Variants in ADAM22 observed in about 807,000 individuals in gnomAD.
ADAM22 encodes the protein disintegrin and metalloproteinase domain-containing protein 22.
In ADAM22, 65 loss-of-function variants were observed where a neutral mutation model predicts 144.6. The ratio of observed to expected loss-of-function variants is 0.45; its 90% CI spans 0.37 to 0.55. The LOEUF (loss-of-function observed/expected upper bound fraction) is 0.55, where lower values mean the gene tolerates loss of function less well. ADAM22 is among the 20% of genes least tolerant of loss of function. The probability of loss-of-function intolerance (pLI) is 0.00; values close to 1 mark genes in which losing one functional copy is unlikely to be tolerated. For synonymous variants in ADAM22, 391 were observed against 412.6 expected (o/e 0.95, Z 0.63); for missense variants, 974 against 1,184.9 (o/e 0.82, Z 2.61).
chr7:88,179,059 C>T lies in ADAM22; in HGVS notation c.2425C>T (p.His809Tyr). The T allele has an allele frequency of 6.3e-7, 1 of 1,589,134 alleles. No homozygotes were observed. Among genetic ancestry groups the T allele is most frequent in the South Asian group, 1.1e-5 (1 of 90,416 alleles). Residue 809 changes from histidine to tyrosine, a missense_variant, in exon 27 of 32, where the codon CAT becomes TAT. Transcript: ENST00000413139. ...SSKKRSAFLS[H>Y]FQISTCSITH... ...TAAGAAGAGGTCTGCTTTTCTGTCGCATTTTCAGATTTCTACCTGTTCCAT... is the reference window on the plus strand; with the variant it reads ...TAAGAAGAGGTCTGCTTTTCTGTCGTATTTTCAGATTTCTACCTGTTCCAT...
At chr7:88,000,246 C>G (rs1792218737) in intron 3 of ADAM22, among the ~76,000 whole-genome samples, 1 of 152,080 alleles carries the variant, frequency 6.6e-6, no homozygotes, top group Non-Finnish European at 1.5e-5. Flanking sequence ...GTTTTGGTCT[C>G]TGTTTTCTCC....
At chr7:88,186,442 T>C (rs955321220) in intron 29 of ADAM22, 173 bp from the exon 30 acceptor site, 6 of 634,792 alleles carry the variant, frequency 9.5e-6, no homozygotes, top group African/African-American at 1.8e-5. Context: ...TAGCTGAGAT[T>C]ATTCTCATGT....
At chr7:88,187,473 C>A (rs1276032202) in intron 30 of ADAM22, among the ~76,000 whole-genome samples, 1 of 152,190 alleles carries the variant, frequency 6.6e-6, no homozygotes, top group African/African-American at 2.4e-5. Context: ...TTACTCAGTT[C>A]ACTGCAGCTC....
At chr7:88,119,069 C>T (rs1245897258) in intron 7 of ADAM22, among the ~76,000 whole-genome samples, 3 of 152,100 alleles carry the variant, frequency 2.0e-5, no homozygotes, top group Admixed American at 6.5e-5. Flanking sequence ...TCAGCTGTTC[C>T]CCAAACTTGC....
chr7:88,151,394 A>G (rs1365588417), intron 20 of ADAM22, 74 bp downstream of exon 20: 2 of 1,562,292 alleles, frequency 1.3e-6, no homozygotes. Flanking sequence ...TGTGTGCTGG[A>G]AGTAAATTTT....
intron 14 of ADAM22, among the ~76,000 whole-genome samples, chr7:88,139,035 CTT>C (rs1286367550): frequency 6.6e-6 from 1 of 152,130 alleles, no homozygotes; most frequent in East Asian, 1.9e-4. Flanking sequence ...CTTAACTAGA[CTT>C]TGACTTCTAA....
intron 5 of ADAM22, among the ~76,000 whole-genome samples, chr7:88,112,859 A>C (rs1563242614): frequency 1.3e-5 from 2 of 152,142 alleles, no homozygotes; most frequent in South Asian, 4.1e-4. Flanking sequence ...AGGTGTGTGC[A>C]TCACCAGGCC....
intron 28 of ADAM22, 50 bp from the exon 29 acceptor site, chr7:88,181,908 G>C (rs774137731): frequency 2.0e-6 from 3 of 1,523,194 alleles, no homozygotes; most frequent in Non-Finnish European, 1.8e-6. Context: ...ATTAGACATA[G>C]GGCAATCACT....
chr7:87,954,282 C>T (rs1846058990), intron 2 of ADAM22, among the ~76,000 whole-genome samples: 1 of 151,852 alleles, frequency 6.6e-6, no homozygotes, highest in African/African-American at 2.4e-5. Context: ...GGCTTGTACC[C>T]GTTGTGCCTT....
intron 3 of ADAM22, among the ~76,000 whole-genome samples, chr7:87,995,617 C>G (rs1173344927): frequency 6.6e-6 from 1 of 152,150 alleles, no homozygotes; most frequent in Non-Finnish European, 1.5e-5. Flanking sequence ...CTCACCCAGA[C>G]CTGCTGAATC....
chr7:88,160,660 G>A (rs1486705927), intron 22 of ADAM22, among the ~76,000 whole-genome samples: 1 of 152,084 alleles, frequency 6.6e-6, no homozygotes, highest in Non-Finnish European at 1.5e-5. Context: ...AAAGACACAT[G>A]CCCACGTATG....
chr7:88,105,785 G>A (rs1824214021), intron 4 of ADAM22, among the ~76,000 whole-genome samples: 1 of 152,112 alleles, frequency 6.6e-6, no homozygotes, highest in African/African-American at 2.4e-5. Flanking sequence ...GTAGAAGAGG[G>A]ATAAGAATAT....
intron 9 of ADAM22, 68 bp downstream of exon 9, chr7:88,128,744 T>C: frequency 7.7e-7 from 1 of 1,301,524 alleles, no homozygotes; most frequent in Non-Finnish European, 1.1e-6. Context: ...AAAAATATGT[T>C]TAGAAAAAAC....
intron 3 of ADAM22, among the ~76,000 whole-genome samples, chr7:87,991,352 A>ATT (rs10549124): frequency 6.3e-4 from 54 of 86,056 alleles, no homozygotes; most frequent in Admixed American, 1.1e-3. Context: ...CACTAGCCTT[A>ATT]TTTTTTTTTT....
At chr7:87,987,321 G>C (rs982419895) in intron 3 of ADAM22, among the ~76,000 whole-genome samples, 20 of 152,100 alleles carry the variant, frequency 1.3e-4, no homozygotes, top group African/African-American at 4.1e-4. Flanking sequence ...TGGGATTACA[G>C]GTGTGTGCCA....
chr7:88,036,907 A>G (rs182513772), intron 3 of ADAM22, among the ~76,000 whole-genome samples: 1 of 152,150 alleles, frequency 6.6e-6, no homozygotes, highest in Admixed American at 6.5e-5. Context: ...GAGAATATAT[A>G]TATATTTTAT....
intron 4 of ADAM22, among the ~76,000 whole-genome samples, chr7:88,076,828 T>G (rs1194665686): frequency 6.6e-6 from 1 of 152,238 alleles, no homozygotes; most frequent in Non-Finnish European, 1.5e-5. Flanking sequence ...CTGAATAGTG[T>G]TCAGACTATC....
intron 3 of ADAM22, among the ~76,000 whole-genome samples, chr7:87,996,852 G>A (rs1401330648): frequency 6.6e-6 from 1 of 152,184 alleles, no homozygotes; most frequent in East Asian, 1.9e-4. Flanking sequence ...ACTGCTCATT[G>A]CCTAGATTTA....
chr7:88,191,472 T>G (rs773141269), intron 30 of ADAM22, among the ~76,000 whole-genome samples: 7 of 152,244 alleles, frequency 4.6e-5, no homozygotes, highest in Non-Finnish European at 8.8e-5. Context: ...TTATCAGTAG[T>G]GATTAGGCTA....
Sources: allele counts gnomAD v4.1 joint callset (sites outside exome capture counted in the v4.1 genomes callset), GRCh38; gene constraint gnomAD v4.1.1; transcripts MANE v1.5; gene names NCBI Gene and HGNC (gene_info 2026-07-23, HGNC 2026-07-21).